Variants in SLC6A3 observed in about 807,000 individuals in gnomAD.
The protein encoded by SLC6A3 is solute carrier family 6 member 3.
A neutral mutation model predicts 70.4 loss-of-function variants in SLC6A3; 19 were observed. The observed-to-expected ratio is 0.27, with a 90% CI of 0.19 to 0.40. The LOEUF (loss-of-function observed/expected upper bound fraction) is 0.40. Ranked by LOEUF, SLC6A3 falls within the 10% of genes least tolerant of loss-of-function variation. The pLI, the probability that SLC6A3 is intolerant of heterozygous loss-of-function variation, is 1.00. For synonymous variants in SLC6A3, 368 were observed against 356.6 expected (o/e 1.03, Z -0.36); for missense variants, 613 against 838.5 (o/e 0.73, Z 3.32).
intron 8 of SLC6A3, among the ~76,000 whole-genome samples, chr5:1,412,887 G>A (rs1393016946): frequency 6.6e-6 from 1 of 152,224 alleles, no homozygotes; most frequent in African/African-American, 2.4e-5. Flanking sequence ...CAGATACCCT[G>A]GTGGATGGGG....
rs1020553689 is a variant in SLC6A3 at position 1,394,806 on chromosome 5, T to G, written c.1840-48A>C. 3 of 1,605,922 alleles carry G rather than the reference T, an allele frequency of 1.9e-6. No homozygotes were observed. The African/African-American group carries it at 4.0e-5, about 21-fold the overall frequency. On this transcript the variant is annotated intron_variant, in intron 14 of 14. Coordinates refer to ENST00000270349, the MANE Select transcript of SLC6A3 (RefSeq NM_001044.5). This position sits in a 1 kb window ranked among gnomAD's most constrained non-coding sequence, Gnocchi z 4.7. ...CAGAAACCCTGGGGCGATGCCCCAT[T>G]TAAGAGCAGCTGAAGGTGGCTAAGA...
At chr5:1,414,406 C>T (rs1209718662) in intron 8 of SLC6A3, among the ~76,000 whole-genome samples, 2 of 145,164 alleles carry the variant, frequency 1.4e-5, no homozygotes, top group Non-Finnish European at 3.0e-5. Context: ...GGTGGGGGGG[C>T]CTGGAGGGGC....
At chr5:1,424,543 A>T (rs900215163) in intron 4 of SLC6A3, among the ~76,000 whole-genome samples, 3 of 152,202 alleles carry the variant, frequency 2.0e-5, no homozygotes, top group Non-Finnish European at 4.4e-5. Flanking sequence ...ACACACGTGC[A>T]TGAATTATAC....
intron 2 of SLC6A3, among the ~76,000 whole-genome samples, chr5:1,441,864 G>C (rs1733677334): frequency 6.6e-6 from 1 of 152,114 alleles, no homozygotes; most frequent in South Asian, 2.1e-4. Context: ...TTTGCCTCTT[G>C]AGTTGTGAAT....
Position 1,443,113 on chromosome 5 carries a change from C to G in SLC6A3, c.85G>C (p.Val29Leu). The stretch of plus-strand genomic sequence containing the variant: ...TGCTCCTTGACAAGGATGAGCTCCA[C>G]CTCCTTCGGGCCCACGGCATTGGGC... ...KEPNAVGPKE[V>L]ELILVKEQNG... Residue 29 changes from valine to leucine, a missense_variant, in exon 2 of 15, where the codon GTG becomes CTG. Coordinates refer to ENST00000270349, the MANE Select transcript of SLC6A3 (RefSeq NM_001044.5). The G allele has an allele frequency of 6.2e-7, 1 of 1,614,250 alleles. No homozygotes were observed. The highest frequency in any genetic ancestry group is 8.5e-7 in the Non-Finnish European group (1 of 1,180,040).
chr5:1,406,292 A>G lies in SLC6A3; in HGVS notation c.1499-4T>C. On this transcript the variant is annotated splice_polypyrimidine_tract_variant and splice_region_variant and intron_variant, in intron 11 of 14. Coordinates refer to ENST00000270349, the MANE Select transcript of SLC6A3 (RefSeq NM_001044.5). This position sits in a 1 kb window ranked among gnomAD's most constrained non-coding sequence, Gnocchi z 8.8. ...TCGTCGCTGAACTGCCCAACACCTG[A>G]GGGAGAAGAGGTGGCATCAGTGTCC... 6.2e-7 allele frequency: 1 copy of G among 1,611,348 alleles called. No individual in the cohort carries two copies. Among genetic ancestry groups the G allele is most frequent in the Admixed American group, 1.7e-5 (1 of 60,018 alleles).
At chr5:1,443,577 T>G (rs921973390) in intron 1 of SLC6A3, among the ~76,000 whole-genome samples, 4 of 152,236 alleles carry the variant, frequency 2.6e-5, no homozygotes, top group Non-Finnish European at 5.9e-5. Context: ...TGCATGGATA[T>G]CACTTCCACC....
intron 7 of SLC6A3, 48 bp from the exon 8 acceptor site, chr5:1,414,863 G>C (rs758323072): frequency 5.0e-6 from 8 of 1,611,840 alleles, no homozygotes; most frequent in South Asian, 4.4e-5. Context: ...AGCTGCAGCA[G>C]CTGCAATTTT....
chr5:1,438,583 G>A lies in SLC6A3; in HGVS notation c.418+2776C>T, dbSNP rs1756895918. On this transcript the variant is annotated intron_variant, in intron 3 of 14. Transcript: ENST00000270349. This position sits in a 1 kb window ranked among gnomAD's most constrained non-coding sequence, Gnocchi z 6.5. ...GACTACACCATGAAGACCCACAACG[G>A]CAGCTTTGTTGGTGAACATCCTTTC... Among the ~76,000 whole-genome samples, 1 of 152,224 alleles carries A rather than the reference G, an allele frequency of 6.6e-6. No homozygotes were observed. The highest frequency in any genetic ancestry group is 6.5e-5 in the Admixed American group (1 of 15,284).
intron 4 of SLC6A3, 37 bp from the exon 5 acceptor site, chr5:1,422,051 C>T: frequency 6.2e-7 from 1 of 1,600,408 alleles, no homozygotes. Flanking sequence ...CTGTGGGTGG[C>T]TGTCAACCCA....
In SLC6A3 at chr5:1,411,108, G is replaced by A. The variant is rs879202638; in HGVS notation, c.1269+135C>T. The A allele has an allele frequency of 8.5e-6, 6 of 702,386 alleles. No homozygotes were observed. Among genetic ancestry groups the A allele is most frequent in the Middle Eastern group, 3.0e-4 (1 of 3,288 alleles). The allele number at this position is 702,386 out of a possible 1,614,324, so 43.5% of individuals were successfully genotyped here. ...GGTCTCCCAAATAATCACGGGGCTC[G>A]CCCAAGTCAAGGACAGGAGGTCTGG... On this transcript the variant is annotated intron_variant, in intron 9 of 14. Coordinates refer to ENST00000270349, the MANE Select transcript of SLC6A3 (RefSeq NM_001044.5). The surrounding 1 kb of genome is among the most constrained non-coding windows in gnomAD (Gnocchi z 6.5).
chr5:1,395,612 C>T (rs1331265203), intron 14 of SLC6A3, among the ~76,000 whole-genome samples: 5 of 152,190 alleles, frequency 3.3e-5, no homozygotes, highest in African/African-American at 7.2e-5. Flanking sequence ...CAGCTGATGC[C>T]GGCACAGGCA....
chr5:1,441,616 A>G (rs1332221205), intron 2 of SLC6A3, 126 bp from the exon 3 acceptor site: 70 of 1,101,600 alleles, frequency 6.4e-5, no homozygotes, highest in Non-Finnish European at 8.6e-5. Flanking sequence ...CCACTCTCCA[A>G]CGGGAAGTCC....
At chr5:1,432,985 G>A (rs1401400257) in intron 3 of SLC6A3, among the ~76,000 whole-genome samples, 1 of 152,040 alleles carries the variant, frequency 6.6e-6, no homozygotes, top group East Asian at 1.9e-4. Flanking sequence ...GAGCCAGCAA[G>A]GTCACCCAGA....
intron 14 of SLC6A3, among the ~76,000 whole-genome samples, chr5:1,400,334 G>C (rs917745153): frequency 6.6e-6 from 1 of 152,188 alleles, no homozygotes; most frequent in Non-Finnish European, 1.5e-5. Flanking sequence ...GTAAAAACAC[G>C]TCAAGTGTTT....
intron 6 of SLC6A3, 59 bp from the exon 7 acceptor site, chr5:1,416,260 G>T: frequency 7.8e-7 from 1 of 1,283,604 alleles, no homozygotes. Flanking sequence ...ACAGGCAAAG[G>T]ACCTGAGCAC....
rs397883245 is a variant in SLC6A3 at position 1,421,178 on chromosome 5, G to GTTTTTT, written c.793-481_793-476dup. Reference sequence around the variant, plus strand: ...GGTTTTGGCCCATATAACAACCAAAGTTTTTTTTTTTTTTTTGAGATGGAG... The same window carrying GTTTTTT: ...GGTTTTGGCCCATATAACAACCAAAGTTTTTTTTTTTTTTTTTTTTTTGAGATGGAG... On this transcript the variant is annotated intron_variant, in intron 5 of 14. Coordinates refer to ENST00000270349, the MANE Select transcript of SLC6A3 (RefSeq NM_001044.5). The surrounding 1 kb of genome is among the most constrained non-coding windows in gnomAD (Gnocchi z 7.2). Among the ~76,000 whole-genome samples the GTTTTTT allele has an allele frequency of 7.2e-6, 1 of 137,980 alleles. No individual in the cohort carries two copies. The highest frequency in any genetic ancestry group is 1.6e-5 in the Non-Finnish European group (1 of 64,504). 90.5% of individuals were successfully genotyped at this position (137,980 alleles called of 152,430 possible).
rs534592534 is a variant in SLC6A3, at chr5:1,405,089, C to T, written c.1599+1099G>A. On this transcript the variant is annotated intron_variant, in intron 12 of 14. Coordinates refer to ENST00000270349, the MANE Select transcript of SLC6A3 (RefSeq NM_001044.5). This position sits in a 1 kb window ranked among gnomAD's most constrained non-coding sequence, Gnocchi z 5.3. ...TGTAGTCTGTGTGCTATTAAAAGCCCGCCCCATGAATCCAGGAACCTTCAA... is the reference window on the plus strand; with the variant it reads ...TGTAGTCTGTGTGCTATTAAAAGCCTGCCCCATGAATCCAGGAACCTTCAA... 7.4e-4 allele frequency among the ~76,000 whole-genome samples: 113 copies of T among 152,318 alleles called. No individual in the cohort carries two copies. The highest frequency in any genetic ancestry group is 2.4e-3 in the African/African-American group (101 of 41,578).
Position 1,421,865 on chromosome 5 carries a change from C to T in SLC6A3, c.792+11G>A. The stretch of plus-strand genomic sequence containing the variant: ...TGTCTACAGGCCCAATTGGTGACCC[C>T]CGAGCCTCACCTTCCCTGAGGTCTT... On this transcript the variant is annotated intron_variant, in intron 5 of 14. Transcript: ENST00000270349. The surrounding 1 kb of genome is among the most constrained non-coding windows in gnomAD (Gnocchi z 7.2). 1.2e-6 allele frequency: 2 copies of T among 1,613,102 alleles called. No homozygotes were observed. The highest frequency in any genetic ancestry group is 1.7e-6 in the Non-Finnish European group (2 of 1,179,928).
Sources: allele counts gnomAD v4.1 joint callset (sites outside exome capture counted in the v4.1 genomes callset), GRCh38; gene constraint gnomAD v4.1.1; non-coding constraint Gnocchi (gnomAD v3.1); transcripts MANE v1.5; gene names NCBI Gene and HGNC (gene_info 2026-07-23, HGNC 2026-07-21).